The following TRMU variants were observed in gnomAD, a reference collection of about 807,000 sequenced individuals.
TRMU encodes the protein mitochondrial tRNA-specific 2-thiouridylase 1.
Under a neutral mutation model 46.9 loss-of-function variants are expected in TRMU, and 49 were observed. That is an observed-to-expected ratio of 1.05 (90% CI 0.83 to 1.33). The LOEUF (loss-of-function observed/expected upper bound fraction) is 1.33. Among genes scored for constraint, TRMU ranks in the 40% most tolerant of loss-of-function variants. The pLI is 0.00. For synonymous variants in TRMU, 241 were observed against 200.9 expected (o/e 1.20, Z -1.69); for missense variants, 572 against 532.4 (o/e 1.07, Z -0.73).
chr22:46,355,880 T>A (rs951053939), intron 9 of TRMU, 110 bp from the exon 10 acceptor site: 2 of 1,291,036 alleles, frequency 1.5e-6, no homozygotes, highest in African/African-American at 3.6e-5. Context: ...GCCCTTCCCC[T>A]CTAAGCAGGG....
In TRMU at chr22:46,338,763, G is replaced by A. The variant is rs992023676; in HGVS notation, c.248+819G>A. Among the ~76,000 whole-genome samples, 1 of 152,192 alleles carries A rather than the reference G, an allele frequency of 6.6e-6. No individual in the cohort carries two copies. Among genetic ancestry groups the A allele is most frequent in the Non-Finnish European group, 1.5e-5 (1 of 68,036 alleles). ...CTTTTGTTCCTGCAGTGGAAGGAGT[G>A]TAGGGCTCATCCTCTGGTGAGCCCT... On this transcript the variant is annotated intron_variant, in intron 2 of 10. Transcript: ENST00000645190. The surrounding 1 kb of genome is among the most constrained non-coding windows in gnomAD (Gnocchi z 4.5).
chr22:46,343,083 T>A (rs1176295481), intron 2 of TRMU, among the ~76,000 whole-genome samples, 179 bp from the exon 3 acceptor site: 1 of 152,222 alleles, frequency 6.6e-6, no homozygotes, highest in Non-Finnish European at 1.5e-5. Context: ...CCTTGTCGGG[T>A]GGCCCATGCA....
rs1203232316 is a variant in TRMU, at chr22:46,349,786, G to A, written c.479-505G>A. Reference sequence around the variant, plus strand: ...TACCAAGAAAGCTAATGCCTTCACAGGTAGGGCGCTGCTGGAGGCATGTGC... The same window carrying A: ...TACCAAGAAAGCTAATGCCTTCACAAGTAGGGCGCTGCTGGAGGCATGTGC... On this transcript the variant is annotated intron_variant, in intron 4 of 10. Coordinates refer to ENST00000645190, the MANE Select transcript of TRMU (RefSeq NM_018006.5). This position sits in a 1 kb window ranked among gnomAD's most constrained non-coding sequence, Gnocchi z 4.6. Among the ~76,000 whole-genome samples, 7 of 152,224 alleles carry A rather than the reference G, an allele frequency of 4.6e-5. No individual in the cohort carries two copies. The highest frequency in any genetic ancestry group is 7.3e-5 in the Non-Finnish European group (5 of 68,034).
At chr22:46,354,679 T>C (rs981566370) in intron 8 of TRMU, 7 of 152,568 alleles carry the variant, frequency 4.6e-5, no homozygotes, top group African/African-American at 1.4e-4. Context: ...GAGAAAAGCC[T>C]GGCTGCGAAT....
At position 46,337,760 on chromosome 22, in the gene TRMU, T is replaced by A. The variant is rs7290233; in HGVS notation, c.83-19T>A. The A allele has an allele frequency of 6.2e-7, 1 of 1,614,088 alleles. No homozygotes were observed. Among genetic ancestry groups the A allele is most frequent in the South Asian group, 1.1e-5 (1 of 91,082 alleles). Reference sequence around the variant, plus strand: ...AGGTTGATTTATGTATTCTCTTTAATTGACCTTCCCGCCCGCAGGTTACCA... The same window carrying A: ...AGGTTGATTTATGTATTCTCTTTAAATGACCTTCCCGCCCGCAGGTTACCA... On this transcript the variant is annotated intron_variant, in intron 1 of 10. Coordinates refer to ENST00000645190, the MANE Select transcript of TRMU (RefSeq NM_018006.5).
chr22:46,351,985 G>A lies in TRMU; in HGVS notation c.652-136G>A, dbSNP rs2078441434. The A allele has an allele frequency of 2.1e-6, 2 of 934,752 alleles. No individual in the cohort carries two copies. Among genetic ancestry groups the A allele is most frequent in the South Asian group, 2.6e-5 (2 of 77,044 alleles). The allele number at this position is 934,752 out of a possible 1,614,324, so 57.9% of individuals were successfully genotyped here. On this transcript the variant is annotated intron_variant, in intron 5 of 10. Coordinates refer to ENST00000645190, the MANE Select transcript of TRMU (RefSeq NM_018006.5). This position sits in a 1 kb window ranked among gnomAD's most constrained non-coding sequence, Gnocchi z 6.4. ...GTGACTGGCGGCCGAGGGTGCCGGT[G>A]GGCAGCCGGGCCCCTACCCTGGAAG...
chr22:46,352,658 A>ACACAAAACTC lies in TRMU; in HGVS notation c.772+332_772+341dup, dbSNP rs1398299799. ...TCCTGTGTAAGGAAAATGTTAAACT[A>ACACAAAACTC]CACAAAACTCCACTCTGATTCAGGG... On this transcript the variant is annotated intron_variant, in intron 7 of 10. Coordinates refer to ENST00000645190, the MANE Select transcript of TRMU (RefSeq NM_018006.5). 5 of 425,690 alleles carry ACACAAAACTC rather than the reference A, an allele frequency of 1.2e-5. No individual in the cohort carries two copies. The East Asian group carries it at 2.5e-4, about 22-fold the overall frequency. 26.4% of individuals were successfully genotyped at this position (425,690 alleles called of 1,614,324 possible). A position where few individuals can be genotyped will look rare whatever the true frequency, so the allele number is the denominator to read the frequency against.
In TRMU at chr22:46,337,857, G is replaced by A. The variant is rs2147853185; in HGVS notation, c.161G>A (p.Cys54Tyr). 2.5e-6 allele frequency: 4 copies of A among 1,614,250 alleles called. No individual in the cohort carries two copies. In the East Asian group the frequency reaches 8.9e-5, roughly 36 times the overall value. Residue 54 changes from cysteine to tyrosine, a missense_variant, in exon 2 of 11, where the codon TGT becomes TAT. Transcript: ENST00000645190. ...EHGVCTADKD[C>Y]EDAYRVCQIL... ...GGGGTCTGTACTGCCGACAAAGACT[G>A]TGAAGATGCTTACAGAGTTTGCCAG...
chr22:46,344,365 G>T (rs2078198303), intron 3 of TRMU, among the ~76,000 whole-genome samples: 1 of 152,206 alleles, frequency 6.6e-6, no homozygotes, highest in Admixed American at 6.5e-5. Context: ...TAGTTATTCA[G>T]GAAAAGAGTG....
Position 46,352,328 on chromosome 22 carries a change from A to C in TRMU, c.770A>C (p.Lys257Thr). 6.2e-7 allele frequency: 1 copy of C among 1,613,974 alleles called. No homozygotes were observed. The highest frequency in any genetic ancestry group is 8.5e-7 in the Non-Finnish European group (1 of 1,180,010). The part of the protein sequence containing the change: ...IEDNKVLGTH[K>T]GWFLYTLGQR... ...GACAATAAGGTTCTGGGAACACATAAAGGTGAGGTGCAGACTCTGCCACTT... is the reference window on the plus strand; with the variant it reads ...GACAATAAGGTTCTGGGAACACATACAGGTGAGGTGCAGACTCTGCCACTT... Residue 257 changes from lysine (K) to threonine (T), a missense_variant and splice_region_variant, in exon 7 of 11, where the codon AAA (lysine) becomes ACA (threonine). By Grantham distance (78) the Lys-to-Thr change is moderately conservative. Transcript: ENST00000645190.
chr22:46,344,737 A>G (rs574748358), intron 3 of TRMU, among the ~76,000 whole-genome samples: 11 of 152,342 alleles, frequency 7.2e-5, no homozygotes, highest in African/African-American at 2.4e-4. Context: ...GGATGAGAGG[A>G]CATGACGCCC....
rs777781494 is a variant in TRMU at position 46,335,783 on chromosome 22, G to T, written c.19G>T (p.Val7Phe). The T allele has an allele frequency of 6.4e-7, 1 of 1,557,132 alleles. No individual in the cohort carries two copies. MQALRH[V>F]VCALSGGVDS... ...CTGGCGGATGCAGGCCTTGCGGCACGTCGTGTGCGCCCTGTCCGGCGGCGT... is the reference window on the plus strand; with the variant it reads ...CTGGCGGATGCAGGCCTTGCGGCACTTCGTGTGCGCCCTGTCCGGCGGCGT... Residue 7 changes from valine to phenylalanine, a missense_variant, in exon 1 of 11, where the codon GTC becomes TTC. Transcript: ENST00000645190.
chr22:46,336,149 T>A lies in TRMU; in HGVS notation c.82+303T>A. 1 of 1,295,524 alleles carries A rather than the reference T, an allele frequency of 7.7e-7. No homozygotes were observed. The highest frequency in any genetic ancestry group is 9.8e-7 in the Non-Finnish European group (1 of 1,017,422). 80.3% of individuals were successfully genotyped at this position (1,295,524 alleles called of 1,614,324 possible). On this transcript the variant is annotated intron_variant, in intron 1 of 10. Coordinates refer to ENST00000645190, the MANE Select transcript of TRMU (RefSeq NM_018006.5). This position sits in a 1 kb window ranked among gnomAD's most constrained non-coding sequence, Gnocchi z 4.1. ...CGGGGTGGGGTGGGGAGGGAAGGGT[T>A]TCTCACGGATCTGCGGCGTCCACAT...
rs1033344856 is a variant in TRMU, at chr22:46,357,146, C to CA, written c.*141dup. 1 of 1,201,816 alleles carries CA rather than the reference C, an allele frequency of 8.3e-7. No homozygotes were observed. The highest frequency in any genetic ancestry group is 1.5e-5 in the African/African-American group (1 of 66,200). 74.4% of individuals were successfully genotyped at this position (1,201,816 alleles called of 1,614,324 possible). On this transcript the variant is annotated 3_prime_UTR_variant, in exon 11 of 11. Coordinates refer to ENST00000645190, the MANE Select transcript of TRMU (RefSeq NM_018006.5). ...GCTGGCTGAGGGTCCGAAAAGCCTGCAGGGGCCCGGCGAGCCCCAGGAAGA... is the reference window on the plus strand; with the variant it reads ...GCTGGCTGAGGGTCCGAAAAGCCTGCAAGGGGCCCGGCGAGCCCCAGGAAGA...
chr22:46,355,381 A>G, intron 8 of TRMU, 63 bp from the exon 9 acceptor site: 1 of 1,592,896 alleles, frequency 6.3e-7, no homozygotes, highest in Non-Finnish European at 8.5e-7. Flanking sequence ...CAGGGACCAC[A>G]CTGAGGCCGG....
At chr22:46,356,587 G>T in intron 10 of TRMU, 1 of 553,082 alleles carries the variant, frequency 1.8e-6, no homozygotes, top group Non-Finnish European at 3.2e-6. Context: ...GTCCCTTGGA[G>T]TCCCAGGAGA....
chr22:46,357,163 C>CCTG lies in TRMU; in HGVS notation c.*158_*159insTGC. 1.0e-6 allele frequency: 1 copy of CCTG among 955,584 alleles called. No individual in the cohort carries two copies. The highest frequency in any genetic ancestry group is 1.6e-6 in the Non-Finnish European group (1 of 628,182). The allele number at this position is 955,584 out of a possible 1,614,324, so 59.2% of individuals were successfully genotyped here. On this transcript the variant is annotated 3_prime_UTR_variant, in exon 11 of 11. Transcript: ENST00000645190. ...AAAGCCTGCAGGGGCCCGGCGAGCCCCAGGAAGAGCCTCAGCTCCAGGCTG... is the reference window on the plus strand; with the variant it reads ...AAAGCCTGCAGGGGCCCGGCGAGCCCCTGCAGGAAGAGCCTCAGCTCCAGGCTG...
At chr22:46,346,869 T>C (rs909139212) in intron 4 of TRMU, among the ~76,000 whole-genome samples, 2 of 152,234 alleles carry the variant, frequency 1.3e-5, no homozygotes, top group African/African-American at 4.8e-5. Context: ...ACAGTGATAA[T>C]TGGGGTGCTG....
At chr22:46,346,910 C>G (rs879819926) in intron 4 of TRMU, among the ~76,000 whole-genome samples, 11 of 152,248 alleles carry the variant, frequency 7.2e-5, no homozygotes, top group African/African-American at 1.2e-4. Context: ...TACTTAGCAA[C>G]AAGTTCTCAA....
Sources: gnomAD v4.1 joint callset for allele counts (sites outside exome capture counted in the v4.1 genomes callset) on GRCh38, gnomAD v4.1.1 for gene constraint, Gnocchi (gnomAD v3.1) non-coding constraint, MANE v1.5 for transcripts, NCBI Gene and HGNC (gene_info 2026-07-23, HGNC 2026-07-21) for gene names.